NETO2: variants seen among roughly 807,000 people sequenced by gnomAD.
NETO2 encodes neuropilin and tolloid like 2.
NETO2 carries 28 observed loss-of-function variants against 62.5 expected under a neutral mutation model. The ratio of observed to expected loss-of-function variants is 0.45; its 90% CI spans 0.33 to 0.61. The LOEUF (loss-of-function observed/expected upper bound fraction) is 0.61, where lower values mean the gene tolerates loss of function less well. Ranked by LOEUF, NETO2 falls within the 20% of genes least tolerant of loss-of-function variation. The pLI is 0.02. For missense variants in NETO2, 548 were observed against 643.2 expected, an observed-to-expected ratio of 0.85 and a Z score of 1.60; for synonymous variants, 214 against 219.1, an observed-to-expected ratio of 0.98 and a Z score of 0.21.
intron 8 of NETO2, among the ~76,000 whole-genome samples, chr16:47,084,436 C>G (rs1323283216): frequency 6.6e-6 from 1 of 152,176 alleles, no homozygotes; most frequent in African/African-American, 2.4e-5. Context: ...GCGAGTGAAG[C>G]TGCATCTGTA....
intron 8 of NETO2, among the ~76,000 whole-genome samples, chr16:47,084,731 T>C (rs1469892165): frequency 2.0e-5 from 3 of 152,216 alleles, no homozygotes; most frequent in East Asian, 1.9e-4. Flanking sequence ...CCCAAGTGCA[T>C]GTGAGGGATA....
intron 1 of NETO2, among the ~76,000 whole-genome samples, chr16:47,134,334 CTT>C (rs1194169765): frequency 6.6e-6 from 1 of 152,092 alleles, no homozygotes. Context: ...TCCCCCTTCC[CTT>C]TTTTTGGTTG....
chr16:47,103,017 A>G (rs1963589082), intron 7 of NETO2, among the ~76,000 whole-genome samples: 1 of 152,198 alleles, frequency 6.6e-6, no homozygotes, highest in Non-Finnish European at 1.5e-5. Flanking sequence ...ACTATTCATA[A>G]TAGCAAAGAC....
Position 47,080,639 on chromosome 16 carries a change from A to G in NETO2, c.*2582T>C, listed in dbSNP as rs901765698. On this transcript the variant is annotated 3_prime_UTR_variant, in exon 9 of 9. Transcript: ENST00000562435. ...AGATCTAATGCCCATCTATGATTCA[A>G]TGAAGGTGTATAACATGTGACAGGC... The G allele has an allele frequency of 4.6e-5, 7 of 152,334 alleles. No homozygotes were observed. In the East Asian group the frequency reaches 9.6e-4, roughly 21 times the overall value. The allele number at this position is 152,334 out of a possible 1,614,324, so 9.4% of individuals were successfully genotyped here. A position where few individuals can be genotyped will look rare whatever the true frequency, so the allele number is the denominator to read the frequency against.
intron 7 of NETO2, among the ~76,000 whole-genome samples, chr16:47,089,467 C>A (rs1467818942): frequency 2.6e-5 from 4 of 152,156 alleles, no homozygotes; most frequent in Non-Finnish European, 4.4e-5. Context: ...TGAGACTATG[C>A]AATCAGTGGT....
At position 47,083,218 on chromosome 16, in the gene NETO2, A is replaced by G. The variant is rs775571907; in HGVS notation, c.*3T>C. On this transcript the variant is annotated 3_prime_UTR_variant, in exon 9 of 9. Transcript: ENST00000562435. ...AAGAATTCACATCACCATTAGCAGAAGATTAGAAGTCAATGGATATGGATG... is the reference window on the plus strand; with the variant it reads ...AAGAATTCACATCACCATTAGCAGAGGATTAGAAGTCAATGGATATGGATG... 1 of 1,600,128 alleles carries G rather than the reference A, an allele frequency of 6.2e-7. No individual in the cohort carries two copies. Among genetic ancestry groups the G allele is most frequent in the Non-Finnish European group, 8.5e-7 (1 of 1,172,126 alleles).
intron 7 of NETO2, among the ~76,000 whole-genome samples, chr16:47,100,486 A>C (rs558733503): frequency 6.4e-4 from 98 of 152,120 alleles, no homozygotes; most frequent in Non-Finnish European, 1.2e-3. Context: ...CAGAGACACA[A>C]AAAAAAACAA....
Position 47,109,566 on chromosome 16 carries a change from GT to G in NETO2, c.799del (p.Thr267GlnfsTer5). On this transcript the variant is annotated frameshift_variant, in exon 7 of 9. Transcript: ENST00000562435. LOFTEE classifies it high-confidence loss of function. ...CCACATTCGAATCACTCCAATTCCTGTTTTAAGCATTACATCATTGGCCACA... is the reference window on the plus strand; with the variant it reads ...CCACATTCGAATCACTCCAATTCCTGTTTAAGCATTACATCATTGGCCACA... Reference protein sequence around the residue: ...STVANDVMLKTGIGVIRMWAD... With the variant: ...STVANDVMLKXGIGVIRMWAD... 1.9e-6 allele frequency: 3 copies of G among 1,614,060 alleles called. No individual in the cohort carries two copies. In the East Asian group the frequency reaches 6.7e-5, roughly 36 times the overall value.
chr16:47,115,204 T>C (rs1172221412), intron 6 of NETO2, among the ~76,000 whole-genome samples: 4 of 152,234 alleles, frequency 2.6e-5, no homozygotes, highest in African/African-American at 9.6e-5. Context: ...CAGAATAATT[T>C]TGGCTTCTGT....
intron 4 of NETO2, among the ~76,000 whole-genome samples, chr16:47,123,459 C>T (rs7202448): frequency 0.021 from 3,172 of 150,762 alleles, 116 homozygotes; most frequent in African/African-American, 0.073. Flanking sequence ...ACAGCAGAGA[C>T]AGCACTATTG....
In NETO2 at chr16:47,136,853, GA is replaced by G. The variant is rs201342744; in HGVS notation, c.35-4829del. ...AAACAAAAAATAAATACTAGATTGG[GA>G]AAAAAAAGGTGAATTATGTATATAT... On this transcript the variant is annotated intron_variant, in intron 1 of 8. Transcript: ENST00000562435. Among the ~76,000 whole-genome samples the G allele has an allele frequency of 4.0e-3, 612 of 151,394 alleles. 1 individual carries two copies. The highest frequency in any genetic ancestry group is 8.8e-3 in the African/African-American group (363 of 41,268).
chr16:47,123,538 A>AT (rs970813201), intron 4 of NETO2, among the ~76,000 whole-genome samples: 5 of 152,074 alleles, frequency 3.3e-5, no homozygotes, highest in African/African-American at 1.2e-4. Context: ...TGTTATGTAT[A>AT]TTTTTTACCA....
intron 7 of NETO2, among the ~76,000 whole-genome samples, chr16:47,099,483 G>T (rs1660340959): frequency 6.6e-6 from 1 of 152,070 alleles, no homozygotes; most frequent in African/African-American, 2.4e-5. Flanking sequence ...GATGTAAATG[G>T]GCTAAATGCC....
chr16:47,117,672 T>G (rs901537157), intron 6 of NETO2, among the ~76,000 whole-genome samples: 4 of 152,192 alleles, frequency 2.6e-5, no homozygotes, highest in Admixed American at 2.0e-4. Context: ...AGATTTTTCT[T>G]TTAGTTCTAA....
chr16:47,120,854 G>C (rs1045910880), intron 6 of NETO2, among the ~76,000 whole-genome samples: 1 of 151,974 alleles, frequency 6.6e-6, no homozygotes, highest in Non-Finnish European at 1.5e-5. Flanking sequence ...TCCTGCTTGG[G>C]AGTCACCCTG....
chr16:47,114,840 A>G (rs1963877545), intron 6 of NETO2, among the ~76,000 whole-genome samples: 1 of 151,912 alleles, frequency 6.6e-6, no homozygotes, highest in Admixed American at 6.6e-5. Context: ...TTCTCCTCTA[A>G]ATGTTTTATA....
intron 4 of NETO2, among the ~76,000 whole-genome samples, chr16:47,124,066 T>G (rs1193539343): frequency 2.0e-5 from 3 of 152,236 alleles, no homozygotes; most frequent in African/African-American, 7.2e-5. Context: ...AAAACTGTTG[T>G]TTTTAATTCC....
In NETO2 at chr16:47,083,520, G is replaced by C; in HGVS notation, c.1279C>G (p.Arg427Gly). The C allele has an allele frequency of 1.2e-6, 2 of 1,614,190 alleles. No individual in the cohort carries two copies. The highest frequency in any genetic ancestry group is 1.7e-6 in the Non-Finnish European group (2 of 1,180,042). ...ATGCAGCGGGAGGCGGTGGAGGAGC[G>C]CCGCATCTTCTGGTAGTTGTCCAAT... ...EELDNYQKMRRSSTASRCIHD... is the reference protein window; with the variant it reads ...EELDNYQKMRGSSTASRCIHD... Residue 427 changes from arginine to glycine, a missense_variant, in exon 9 of 9, where the codon CGC (arginine) becomes GGC (glycine). Arg to Gly is a moderately radical substitution (Grantham distance 125, BLOSUM62 -2). Transcript: ENST00000562435.
intron 4 of NETO2, among the ~76,000 whole-genome samples, chr16:47,127,338 C>T (rs987455265): frequency 5.3e-5 from 8 of 152,258 alleles, no homozygotes; most frequent in South Asian, 2.1e-4. Context: ...GCAGGTAACA[C>T]GGTGGAGCAG....
Sources: allele counts gnomAD v4.1 joint callset (sites outside exome capture counted in the v4.1 genomes callset), GRCh38; gene constraint gnomAD v4.1.1; transcripts MANE v1.5; gene names NCBI Gene and HGNC (gene_info 2026-07-23, HGNC 2026-07-21).